The following PIK3C2G variants were observed in gnomAD, a reference collection of about 807,000 sequenced individuals.
The protein encoded by PIK3C2G is phosphatidylinositol-4-phosphate 3-kinase catalytic subunit type 2 gamma.
Under a neutral mutation model 181.1 loss-of-function variants are expected in PIK3C2G, and 168 were observed. The ratio of observed to expected loss-of-function variants is 0.93; its 90% CI spans 0.82 to 1.05. PIK3C2G has a LOEUF of 1.05. Ranked by LOEUF, PIK3C2G falls within the 50% of genes least tolerant of loss-of-function variation. The probability of loss-of-function intolerance (pLI) is 0.00; values close to 1 mark genes in which losing one functional copy is unlikely to be tolerated. For synonymous variants in PIK3C2G, 573 were observed against 592.2 expected, an observed-to-expected ratio of 0.97 and a Z score of 0.47; for missense variants, 1,869 against 1,732.8, an observed-to-expected ratio of 1.08 and a Z score of -1.40.
Position 18,402,039 on chromosome 12 carries a change from A to G in PIK3C2G, c.2315+2192A>G, listed in dbSNP as rs1944275050. ...ACTATGAAGTATATACTCAAGATAA[A>G]TTTAAAAATATGCCCACTCAAAAAC... is the stretch of plus-strand genomic sequence containing the variant. On this transcript the variant is annotated intron_variant, in intron 16 of 32. Transcript: ENST00000538779. Among the ~76,000 whole-genome samples, 3 of 152,140 alleles carry G rather than the reference A, an allele frequency of 2.0e-5. No homozygotes were observed. In the South Asian group the frequency reaches 6.2e-4, roughly 32 times the overall value.
the PIK3C2G span, among the ~76,000 whole-genome samples, chr12:18,725,579 A>G: frequency 6.6e-6 from 1 of 152,112 alleles, no homozygotes. Context: ...TCCCTCTTAA[A>G]GTTCTCACTG....
At chr12:18,377,911 C>G (rs1942566454) in intron 13 of PIK3C2G, among the ~76,000 whole-genome samples, 1 of 152,094 alleles carries the variant, frequency 6.6e-6, no homozygotes, top group African/African-American at 2.4e-5. Context: ...GGCTGGAGTG[C>G]AATGGTGTGA....
intron 31 of PIK3C2G, among the ~76,000 whole-genome samples, chr12:18,612,912 C>T (rs1218911718): frequency 6.6e-6 from 1 of 152,030 alleles, no homozygotes; most frequent in African/African-American, 2.4e-5. Context: ...AATAAAATTG[C>T]TAAAATTCTT....
rs1565575808 is a variant in PIK3C2G at position 18,303,163 on chromosome 12, T to TTC, written c.1034+9150_1034+9151dup. 1.2e-3 allele frequency among the ~76,000 whole-genome samples: 169 copies of TTC among 144,428 alleles called. 1 individual carries two copies. The highest frequency in any genetic ancestry group is 8.0e-3 in the East Asian group (36 of 4,522). The allele number at this position is 144,428 out of a possible 152,430, so 94.8% of individuals were successfully genotyped here. On this transcript the variant is annotated intron_variant, in intron 5 of 32. Transcript: ENST00000538779. ...CTTTTCTTTTCTTTCTTCTTTCTCT[T>TTC]TCTTTCTTTCTCTTTCTCTCTCTTC...
the PIK3C2G span, chr12:18,712,771 G>A: frequency 6.5e-7 from 1 of 1,548,360 alleles, no homozygotes; most frequent in Non-Finnish European, 8.9e-7. Context: ...AAGCATTATA[G>A]GATTTTGAAG....
intron 13 of PIK3C2G, among the ~76,000 whole-genome samples, chr12:18,379,272 C>A (rs1287557011): frequency 1.3e-5 from 2 of 149,530 alleles, no homozygotes; most frequent in South Asian, 2.1e-4. Flanking sequence ...GCACAAAAAA[C>A]CAAACACCAC....
intron 18 of PIK3C2G, among the ~76,000 whole-genome samples, chr12:18,430,651 G>C (rs969469536): frequency 6.6e-6 from 1 of 152,188 alleles, no homozygotes; most frequent in South Asian, 2.1e-4. Flanking sequence ...GGTCAACTAA[G>C]AGCTGGCCTG....
chr12:18,692,541 T>G, the PIK3C2G span, among the ~76,000 whole-genome samples: 1 of 152,030 alleles, frequency 6.6e-6, no homozygotes, highest in Non-Finnish European at 1.5e-5. Flanking sequence ...AAATAAAAGC[T>G]AAAATAATAA....
At chr12:18,595,533 C>G (rs1472662167) in intron 30 of PIK3C2G, among the ~76,000 whole-genome samples, 1 of 152,136 alleles carries the variant, frequency 6.6e-6, no homozygotes, top group African/African-American at 2.4e-5. Flanking sequence ...TACTAATACT[C>G]TTTGCCTTTA....
rs1942552880 is a variant in PIK3C2G, at chr12:18,377,733, C to T, written c.1881-4033C>T. Among the ~76,000 whole-genome samples, 3 of 152,144 alleles carry T rather than the reference C, an allele frequency of 2.0e-5. No individual in the cohort carries two copies. The South Asian group carries it at 6.2e-4, about 32-fold the overall frequency. On this transcript the variant is annotated intron_variant, in intron 13 of 32. Transcript: ENST00000538779. ...CTGCCTTCAAAATGTTTAATTTTAA[C>T]TAACATAATAAATGTTTTCACAGGA...
chr12:18,315,421 A>G (rs1169408691), intron 6 of PIK3C2G, among the ~76,000 whole-genome samples: 1 of 152,174 alleles, frequency 6.6e-6, no homozygotes, highest in Admixed American at 6.5e-5. Context: ...TGAAATCATC[A>G]TAGTTCATTG....
intron 31 of PIK3C2G, among the ~76,000 whole-genome samples, chr12:18,636,290 T>C (rs899419374): frequency 1.3e-5 from 2 of 152,156 alleles, no homozygotes; most frequent in Non-Finnish European, 2.9e-5. Context: ...TGGAGTACAA[T>C]GGCACGATCT....
intron 31 of PIK3C2G, among the ~76,000 whole-genome samples, chr12:18,632,403 A>AAAAGTT (rs1269672776): frequency 6.6e-6 from 1 of 152,180 alleles, no homozygotes; most frequent in Non-Finnish European, 1.5e-5. Context: ...ACATCCAATG[A>AAAAGTT]AAAGTTAAGA....
At chr12:18,722,300 A>G in the PIK3C2G span, among the ~76,000 whole-genome samples, 2 of 152,012 alleles carry the variant, frequency 1.3e-5, 1 homozygote, top group Non-Finnish European at 2.9e-5. Flanking sequence ...ACTTTCCTCC[A>G]ACCCATCAGG....
the PIK3C2G span, among the ~76,000 whole-genome samples, chr12:18,711,121 A>C: frequency 1.1e-4 from 16 of 151,900 alleles, no homozygotes; most frequent in African/African-American, 3.4e-4. Context: ...ATAGCAAAGA[A>C]TTGGAACCAA....
chr12:18,291,027 AAAT>A lies in PIK3C2G; in HGVS notation c.919+18_919+20del. 1 of 1,555,196 alleles carries A rather than the reference AAAT, an allele frequency of 6.4e-7. No individual in the cohort carries two copies. The highest frequency in any genetic ancestry group is 2.2e-5 in the East Asian group (1 of 44,568). ...TATGCCATGTGGTAAGCAACCTTGCAAATAAGTCTACAAATCTATACAAAGCTG... is the reference window on the plus strand; with the variant it reads ...TATGCCATGTGGTAAGCAACCTTGCAAAGTCTACAAATCTATACAAAGCTG... On this transcript the variant is annotated intron_variant, in intron 4 of 32. Transcript: ENST00000538779.
chr12:18,619,676 G>A (rs1246978981), intron 31 of PIK3C2G, among the ~76,000 whole-genome samples: 1 of 151,804 alleles, frequency 6.6e-6, no homozygotes, highest in Non-Finnish European at 1.5e-5. Flanking sequence ...AATTTCCAGA[G>A]ATGTATCTGT....
chr12:18,275,896 T>C lies in PIK3C2G; in HGVS notation c.-78-6108T>C, dbSNP rs150102002. Reference sequence around the variant, plus strand: ...TTGACACACTGAAATCTTCTTTTCCTAATGACATTGCTCACAGTTGTAATG... The same window carrying C: ...TTGACACACTGAAATCTTCTTTTCCCAATGACATTGCTCACAGTTGTAATG... On this transcript the variant is annotated intron_variant, in intron 1 of 32. Transcript: ENST00000538779. Among the ~76,000 whole-genome samples, 29 of 152,336 alleles carry C rather than the reference T, an allele frequency of 1.9e-4. No homozygotes were observed. The East Asian group carries it at 5.0e-3, about 26-fold the overall frequency.
intron 24 of PIK3C2G, among the ~76,000 whole-genome samples, chr12:18,527,472 T>C (rs1943302505): frequency 6.6e-6 from 1 of 152,200 alleles, no homozygotes; most frequent in Non-Finnish European, 1.5e-5. Context: ...ACAGCTAACT[T>C]AGGCTGTTCT....
Sources: gnomAD v4.1 joint callset for allele counts (sites outside exome capture counted in the v4.1 genomes callset) on GRCh38, gnomAD v4.1.1 for gene constraint, MANE v1.5 for transcripts, NCBI Gene and HGNC (gene_info 2026-07-23, HGNC 2026-07-21) for gene names.